The following TRPV3 variants were observed in gnomAD, a reference collection of about 807,000 sequenced individuals.
TRPV3 encodes the protein transient receptor potential cation channel subfamily V member 3, also known as VRL-3.
A neutral mutation model predicts 87.1 loss-of-function variants in TRPV3; 88 were observed. The observed-to-expected ratio is 1.01, with a 90% CI of 0.85 to 1.21. The LOEUF (loss-of-function observed/expected upper bound fraction) is 1.21. Ranked by LOEUF, TRPV3 falls within the 50% of genes most tolerant of loss-of-function variation. The pLI is 0.00. For missense variants in TRPV3, 1,054 were observed against 1,030.1 expected (o/e 1.02, Z -0.32); for synonymous variants, 438 against 423.3 (o/e 1.03, Z -0.43).
chr17:3,536,268 T>C (rs1383225942), intron 6 of TRPV3, among the ~76,000 whole-genome samples: 1 of 152,136 alleles, frequency 6.6e-6, no homozygotes, highest in Non-Finnish European at 1.5e-5. Context: ...CAGACCTCTC[T>C]GGCTGCAAAA....
At chr17:3,514,915 T>A (rs1369765870) in intron 16 of TRPV3, among the ~76,000 whole-genome samples, 1 of 152,176 alleles carries the variant, frequency 6.6e-6, no homozygotes, top group Non-Finnish European at 1.5e-5. Context: ...TCGGAAATCC[T>A]GCAAGTTGCC....
At chr17:3,547,953 G>A (rs760180585) in intron 2 of TRPV3, among the ~76,000 whole-genome samples, 6 of 152,146 alleles carry the variant, frequency 3.9e-5, no homozygotes, top group East Asian at 1.9e-4. Context: ...ACAATCACAC[G>A]CACAGAGAAG....
intron 13 of TRPV3, among the ~76,000 whole-genome samples, chr17:3,521,787 AAGAC>A (rs2074248006): frequency 6.6e-6 from 1 of 152,206 alleles, no homozygotes; most frequent in Non-Finnish European, 1.5e-5. Context: ...ATTTAAAACA[AAGAC>A]AGGCCAGGGT....
At chr17:3,533,118 A>T (rs1001129380) in intron 7 of TRPV3, among the ~76,000 whole-genome samples, 181 bp from the exon 8 acceptor site, 18 of 152,016 alleles carry the variant, frequency 1.2e-4, no homozygotes, top group Non-Finnish European at 1.0e-4. Context: ...TAGCCTCCTA[A>T]CTGGCCTCCC....
At chr17:3,544,741 A>T in intron 3 of TRPV3, 76 bp from the exon 4 acceptor site, 1 of 1,078,324 alleles carries the variant, frequency 9.3e-7, no homozygotes, top group Non-Finnish European at 1.4e-6. Flanking sequence ...TCATGCATGT[A>T]ATCCCAGCAC....
Position 3,528,019 on chromosome 17 carries a change from A to T in TRPV3, c.1503+6T>A. The T allele has an allele frequency of 6.2e-7, 1 of 1,612,256 alleles. No individual in the cohort carries two copies. Among genetic ancestry groups the T allele is most frequent in the East Asian group, 2.2e-5 (1 of 44,876 alleles). On this transcript the variant is annotated splice_donor_region_variant and intron_variant, in intron 11 of 17. Coordinates refer to ENST00000576742, the MANE Select transcript of TRPV3 (RefSeq NM_145068.4). This position sits in a 1 kb window ranked among gnomAD's most constrained non-coding sequence, Gnocchi z 4.2. ...GCGGTCTGGAAGGGCCGGGTGGCCCACTTACCTCTTTCACAGAGATGCACA... is the reference window on the plus strand; with the variant it reads ...GCGGTCTGGAAGGGCCGGGTGGCCCTCTTACCTCTTTCACAGAGATGCACA...
At chr17:3,519,585 G>C (rs1359491915) in intron 14 of TRPV3, among the ~76,000 whole-genome samples, 1 of 123,094 alleles carries the variant, frequency 8.1e-6, no homozygotes, top group Non-Finnish European at 1.7e-5. Flanking sequence ...TGATTAAATG[G>C]ATGAATGGAT....
At position 3,518,234 on chromosome 17, in the gene TRPV3, T is replaced by A. The variant is rs568242770; in HGVS notation, c.2085+342A>T. On this transcript the variant is annotated intron_variant, in intron 15 of 17. Coordinates refer to ENST00000576742, the MANE Select transcript of TRPV3 (RefSeq NM_145068.4). The surrounding 1 kb of genome is among the most constrained non-coding windows in gnomAD (Gnocchi z 4.3). ...CATGTAAGAAGTGTTCAGGCCAGGA[T>A]AGAATAGAGCAGAACTGTCACCTCC... Among the ~76,000 whole-genome samples the A allele has an allele frequency of 6.6e-6, 1 of 152,098 alleles. No homozygotes were observed. Among genetic ancestry groups the A allele is most frequent in the Non-Finnish European group, 1.5e-5 (1 of 68,024 alleles).
At chr17:3,546,713 C>T (rs390804) in intron 2 of TRPV3, 136,330 of 454,032 alleles carry the variant, frequency 0.3, 23,058 homozygotes, top group Non-Finnish European at 0.37. Context: ...TGTGGTGGCT[C>T]ATGCCTGTAA....
At chr17:3,547,937 G>A (rs1385715932) in intron 2 of TRPV3, among the ~76,000 whole-genome samples, 3 of 152,204 alleles carry the variant, frequency 2.0e-5, no homozygotes, top group Non-Finnish European at 4.4e-5. Context: ...CATGTTCTTG[G>A]AAACCACAAT....
chr17:3,528,695 TG>T lies in TRPV3; in HGVS notation c.1401+141del. 1 of 971,482 alleles carries T rather than the reference TG, an allele frequency of 1.0e-6. No individual in the cohort carries two copies. The highest frequency in any genetic ancestry group is 1.5e-6 in the Non-Finnish European group (1 of 666,590). The allele number at this position is 971,482 out of a possible 1,614,324, so 60.2% of individuals were successfully genotyped here. On this transcript the variant is annotated intron_variant, in intron 10 of 17. Coordinates refer to ENST00000576742, the MANE Select transcript of TRPV3 (RefSeq NM_145068.4). The surrounding 1 kb of genome is among the most constrained non-coding windows in gnomAD (Gnocchi z 4.2). Reference sequence around the variant, plus strand: ...AGCACTGAAGACATATTCAGTTCCCTGGGAAGCGTGAAGGACAACTGGGGGA... The same window carrying T: ...AGCACTGAAGACATATTCAGTTCCCTGGAAGCGTGAAGGACAACTGGGGGA...
At chr17:3,526,524 T>C (rs1371502225) in intron 12 of TRPV3, among the ~76,000 whole-genome samples, 2 of 151,870 alleles carry the variant, frequency 1.3e-5, no homozygotes, top group Non-Finnish European at 1.5e-5. Context: ...GCTAAGCCTG[T>C]TGCCGCCTTC....
chr17:3,535,458 CT>C, intron 7 of TRPV3, 114 bp downstream of exon 7: 1 of 1,125,256 alleles, frequency 8.9e-7, no homozygotes. Context: ...TTCCTTCCTC[CT>C]TCCCTCTTTC....
At chr17:3,525,527 C>T (rs1437719623) in intron 12 of TRPV3, among the ~76,000 whole-genome samples, 1 of 151,988 alleles carries the variant, frequency 6.6e-6, no homozygotes, top group Non-Finnish European at 1.5e-5. Flanking sequence ...GACTGATTGC[C>T]CAACAACATG....
rs2074146017 is a variant in TRPV3 at position 3,513,886 on chromosome 17, C to G, written c.*31G>C. The G allele has an allele frequency of 6.3e-7, 1 of 1,576,810 alleles. No homozygotes were observed. Among genetic ancestry groups the G allele is most frequent in the Non-Finnish European group, 8.7e-7 (1 of 1,146,738 alleles). On this transcript the variant is annotated 3_prime_UTR_variant, in exon 18 of 18. Transcript: ENST00000576742. ...TGACTCCGCCTGCAGCGCCAGACAG[C>G]GCACGCGCACACCAGCTCTGGGTTC...
At chr17:3,515,144 T>C (rs2074166615) in intron 16 of TRPV3, among the ~76,000 whole-genome samples, 1 of 152,156 alleles carries the variant, frequency 6.6e-6, no homozygotes, top group African/African-American at 2.4e-5. Flanking sequence ...AATACAACCA[T>C]AGGCATTGAT....
Position 3,513,908 on chromosome 17 carries a change from G to A in TRPV3, c.*9C>T, listed in dbSNP as rs1205379289. 3 of 1,612,580 alleles carry A rather than the reference G, an allele frequency of 1.9e-6. No individual in the cohort carries two copies. In the South Asian group the frequency reaches 3.3e-5, roughly 18 times the overall value. ...CAGCGCACGCGCACACCAGCTCTGGGTTCCGCTTCTACACCGAGGTTTCCG... is the reference window on the plus strand; with the variant it reads ...CAGCGCACGCGCACACCAGCTCTGGATTCCGCTTCTACACCGAGGTTTCCG... On this transcript the variant is annotated 3_prime_UTR_variant, in exon 18 of 18. Transcript: ENST00000576742.
At chr17:3,516,160 C>T (rs926713210) in intron 16 of TRPV3, among the ~76,000 whole-genome samples, 8 of 150,148 alleles carry the variant, frequency 5.3e-5, no homozygotes, top group East Asian at 3.9e-4. Flanking sequence ...CACTCCAGCC[C>T]GGGCAACAAG....
Position 3,512,254 on chromosome 17 carries a change from CTG to C in TRPV3, c.*1661_*1662del, listed in dbSNP as rs2074122612. The C allele has an allele frequency of 6.6e-6, 1 of 152,340 alleles. No homozygotes were observed. Among genetic ancestry groups the C allele is most frequent in the African/African-American group, 2.4e-5 (1 of 41,472 alleles). The allele number at this position is 152,340 out of a possible 1,614,324, so 9.4% of individuals were successfully genotyped here. Reference sequence around the variant, plus strand: ...AGAGGCCCATGCCCAGCCCCGACCACTGTGGCTTAGAGCACGCGATTACTCCC... The same window carrying C: ...AGAGGCCCATGCCCAGCCCCGACCACTGGCTTAGAGCACGCGATTACTCCC... On this transcript the variant is annotated 3_prime_UTR_variant, in exon 18 of 18. Coordinates refer to ENST00000576742, the MANE Select transcript of TRPV3 (RefSeq NM_145068.4).
Sources: gnomAD v4.1 joint callset for allele counts (sites outside exome capture counted in the v4.1 genomes callset) on GRCh38, gnomAD v4.1.1 for gene constraint, Gnocchi (gnomAD v3.1) non-coding constraint, MANE v1.5 for transcripts, NCBI Gene and HGNC (gene_info 2026-07-23, HGNC 2026-07-21) for gene names.